CCDC157: variants seen among roughly 807,000 people sequenced by gnomAD.
CCDC157 encodes the protein coiled-coil domain-containing protein 157.
A neutral mutation model predicts 70.9 loss-of-function variants in CCDC157; 60 were observed. The observed-to-expected ratio is 0.85, with a 90% CI of 0.69 to 1.05. The LOEUF (loss-of-function observed/expected upper bound fraction) is 1.05, where lower values mean the gene tolerates loss of function less well. Ranked by LOEUF, CCDC157 falls within the 50% of genes least tolerant of loss-of-function variation. The pLI, the probability that CCDC157 is intolerant of heterozygous loss-of-function variation, is 0.00. For missense variants in CCDC157, 943 were observed against 984.2 expected, an observed-to-expected ratio of 0.96 and a Z score of 0.56; for synonymous variants, 373 against 422.4, an observed-to-expected ratio of 0.88 and a Z score of 1.43.
chr22:30,373,476 GAC>G, intron 7 of CCDC157, 119 bp from the exon 8 acceptor site: 2 of 1,097,286 alleles, frequency 1.8e-6, no homozygotes, highest in Non-Finnish European at 2.6e-6. Flanking sequence ...CCTAGACACA[GAC>G]ACACACCCCA....
rs776574437 is a variant in CCDC157, at chr22:30,373,974, A to G, written c.1555A>G (p.Thr519Ala). Residue 519 changes from threonine (T) to alanine (A), a missense_variant, in exon 9 of 12, where the codon ACG (threonine) becomes GCG (alanine). Coordinates refer to ENST00000338306, the MANE Select transcript of CCDC157 (RefSeq NM_001017437.5). ...REKQGLEQAT[T>A]DLRLTILELE... Reference sequence around the variant, plus strand: ...GAAGCAAGGCCTGGAGCAGGCGACTACGGACCTGCGGCTAACCATCCTGGA... The same window carrying G: ...GAAGCAAGGCCTGGAGCAGGCGACTGCGGACCTGCGGCTAACCATCCTGGA... The G allele has an allele frequency of 4.3e-6, 7 of 1,613,020 alleles. No homozygotes were observed. The highest frequency in any genetic ancestry group is 5.9e-6 in the Non-Finnish European group (7 of 1,179,642).
chr22:30,356,990 C>T (rs1032512831), upstream of CCDC157: 13 of 448,410 alleles, frequency 2.9e-5, no homozygotes, highest in Non-Finnish European at 4.0e-5. Flanking sequence ...CCCGCGGGCA[C>T]CGCGGCGTCC....
At chr22:30,366,380 G>C (rs1601725361) in intron 3 of CCDC157, 132 bp downstream of exon 3, 2 of 1,068,848 alleles carry the variant, frequency 1.9e-6, no homozygotes, top group East Asian at 2.5e-5. Flanking sequence ...ACCTGTCGGG[G>C]CCACATCAGC....
At position 30,370,175 on chromosome 22, in the gene CCDC157, C is replaced by G. The variant is rs187975292; in HGVS notation, c.421-151C>G. 333 of 874,066 alleles carry G rather than the reference C, an allele frequency of 3.8e-4. 1 individual carries two copies. The highest frequency in any genetic ancestry group is 2.4e-3 in the African/African-American group (142 of 59,604). The allele number at this position is 874,066 out of a possible 1,614,324, so 54.1% of individuals were successfully genotyped here. A position where few individuals can be genotyped will look rare whatever the true frequency, so the allele number is the denominator to read the frequency against. ...GTCAGAGTAACAGAGGGAGAAAGTT[C>G]TCTCTTATTCACGTCGGTGTCAGAG... On this transcript the variant is annotated intron_variant, in intron 4 of 11. Coordinates refer to ENST00000338306, the MANE Select transcript of CCDC157 (RefSeq NM_001017437.5).
intron 5 of CCDC157, chr22:30,371,282 CA>C (rs1194382595): frequency 2.1e-6 from 1 of 486,220 alleles, no homozygotes; most frequent in Admixed American, 3.4e-5. Flanking sequence ...CTGGCACTTC[CA>C]GCCAAGCAGA....
intron 2 of CCDC157, among the ~76,000 whole-genome samples, chr22:30,364,121 T>A (rs1932554017): frequency 6.6e-6 from 1 of 152,090 alleles, no homozygotes; most frequent in South Asian, 2.1e-4. Flanking sequence ...CACAGTGAGA[T>A]CCCGTCTTTA....
chr22:30,375,099 C>A (rs548008868), intron 9 of CCDC157: 1 of 295,654 alleles, frequency 3.4e-6, no homozygotes, highest in Non-Finnish European at 6.5e-6. Context: ...GCTGGGACTA[C>A]GGGGGCCCGC....
At chr22:30,372,424 ACC>A in intron 7 of CCDC157, 138 bp downstream of exon 7, 3 of 1,209,032 alleles carry the variant, frequency 2.5e-6, no homozygotes, top group Admixed American at 2.9e-5. Context: ...GGGTTGACTC[ACC>A]TTTACAGAGA....
chr22:30,375,735 C>G, intron 10 of CCDC157, 72 bp downstream of exon 10: 1 of 1,386,028 alleles, frequency 7.2e-7, no homozygotes. Flanking sequence ...TCAGACTCTG[C>G]CCCGGGAACT....
chr22:30,374,545 C>G (rs1276728858), intron 9 of CCDC157: 1 of 459,026 alleles, frequency 2.2e-6, no homozygotes, highest in Admixed American at 2.3e-5. Flanking sequence ...CATCTTGGCA[C>G]AGGATTGGAT....
chr22:30,363,581 G>A (rs958082554), intron 2 of CCDC157, among the ~76,000 whole-genome samples: 5 of 151,682 alleles, frequency 3.3e-5, no homozygotes, highest in Non-Finnish European at 7.4e-5. Flanking sequence ...GTATAAAAAC[G>A]TAATGGCAGT....
Position 30,372,204 on chromosome 22 carries a change from G to C in CCDC157, c.1253G>C (p.Gly418Ala), listed in dbSNP as rs777556030. 5.6e-6 allele frequency: 9 copies of C among 1,593,924 alleles called. No individual in the cohort carries two copies. Among genetic ancestry groups the C allele is most frequent in the Non-Finnish European group, 7.7e-6 (9 of 1,173,526 alleles). Reference protein sequence around the residue: ...QVQLLVGRLEGAGQQVCWAST... With the variant: ...QVQLLVGRLEAAGQQVCWAST... Reference sequence around the variant, plus strand: ...CAGCTGTTGGTGGGTCGGCTGGAGGGCGCTGGCCAGCAGGTCTGCTGGGCC... The same window carrying C: ...CAGCTGTTGGTGGGTCGGCTGGAGGCCGCTGGCCAGCAGGTCTGCTGGGCC... Residue 418 changes from glycine to alanine, a missense_variant, in exon 7 of 12, where the codon GGC (glycine) becomes GCC (alanine). Coordinates refer to ENST00000338306, the MANE Select transcript of CCDC157 (RefSeq NM_001017437.5).
At position 30,374,286 on chromosome 22, in the gene CCDC157, CAG is replaced by C. The variant is rs1049448885; in HGVS notation, c.1672+196_1672+197del. The C allele has an allele frequency of 5.9e-6, 4 of 678,490 alleles. No individual in the cohort carries two copies. The African/African-American group carries it at 7.1e-5, about 12-fold the overall frequency. 42.0% of individuals were successfully genotyped at this position (678,490 alleles called of 1,614,324 possible). ...TCATGCGTCATCCACTCTGCATAGA[CAG>C]GGACGTGAAAGCCCAACAGTGATGT... On this transcript the variant is annotated intron_variant, in intron 9 of 11. Transcript: ENST00000338306.
intron 9 of CCDC157, chr22:30,374,375 C>T (rs1238378892): frequency 6.6e-6 from 4 of 605,744 alleles, no homozygotes; most frequent in Non-Finnish European, 9.3e-6. Flanking sequence ...ACAGCCTGTG[C>T]TCTTCACTAC....
rs960508317 is a variant in CCDC157, at chr22:30,361,262, A to AAG, written c.-165-698_-165-697insGA. ...GACTCTGTCTCAAAAAAAAAAAAAAAAAAGAAAAAAGGTATGATCTAGTAG... is the reference window on the plus strand; with the variant it reads ...GACTCTGTCTCAAAAAAAAAAAAAAAAGAAAGAAAAAAGGTATGATCTAGTAG... On this transcript the variant is annotated intron_variant, in intron 1 of 11. Transcript: ENST00000338306. Among the ~76,000 whole-genome samples the AAG allele has an allele frequency of 8.9e-4, 135 of 151,210 alleles. 2 individuals are homozygous for AAG. In the East Asian group the frequency reaches 0.022, roughly 25 times the overall value.
Position 30,376,751 on chromosome 22 carries a change from G to A in CCDC157, c.*6G>A, listed in dbSNP as rs374325598. 3.4e-4 allele frequency: 552 copies of A among 1,605,944 alleles called. No individual in the cohort carries two copies. The highest frequency in any genetic ancestry group is 4.5e-4 in the Non-Finnish European group (533 of 1,174,730). ...CCCAGGAGCGGCCCATGTAGCCTGT[G>A]GCCCAGGGCTGAGGCTGGATGGGAG... On this transcript the variant is annotated 3_prime_UTR_variant, in exon 12 of 12. Coordinates refer to ENST00000338306, the MANE Select transcript of CCDC157 (RefSeq NM_001017437.5).
intron 7 of CCDC157, chr22:30,373,244 G>A (rs368812167): frequency 1.2e-3 from 297 of 253,592 alleles, no homozygotes; most frequent in African/African-American, 6.3e-3. Flanking sequence ...ATGTGACACT[G>A]GAGACCCGAG....
At chr22:30,370,043 C>G (rs1366276373) in intron 4 of CCDC157, 2 of 534,560 alleles carry the variant, frequency 3.7e-6, no homozygotes, top group African/African-American at 1.9e-5. Flanking sequence ...CAGTAACCAG[C>G]AGCTGTGACC....
intron 6 of CCDC157, 21 bp downstream of exon 6, chr22:30,371,748 C>G (rs773192625): frequency 6.3e-7 from 1 of 1,584,452 alleles, no homozygotes; most frequent in Non-Finnish European, 8.7e-7. Context: ...CCATCATAGG[C>G]CCCCATGCCA....
Sources: allele counts gnomAD v4.1 joint callset (sites outside exome capture counted in the v4.1 genomes callset), GRCh38; gene constraint gnomAD v4.1.1; transcripts MANE v1.5; gene names NCBI Gene and HGNC (gene_info 2026-07-23, HGNC 2026-07-21).